Variants in FGF10 observed in about 807,000 individuals in gnomAD.
FGF10 encodes fibroblast growth factor 10, also known as FGF-10.
Under a neutral mutation model 19.8 loss-of-function variants are expected in FGF10, and 2 were observed. That is an observed-to-expected ratio of 0.10 (90% confidence interval 0.04 to 0.32). The LOEUF (loss-of-function observed/expected upper bound fraction) is 0.32. FGF10 is among the 10% of genes least tolerant of loss of function. The pLI is 1.00. For missense variants in FGF10, 191 were observed against 246.3 expected (o/e 0.78, Z 1.50); for synonymous variants, 112 against 94.0 (o/e 1.19, Z -1.10).
chr5:44,389,014 T>A lies in FGF10; in HGVS notation c.-332A>T. 2.2e-6 allele frequency: 1 copy of A among 445,184 alleles called. No individual in the cohort carries two copies. Among genetic ancestry groups the A allele is most frequent in the Non-Finnish European group, 4.2e-6 (1 of 239,152 alleles). The allele number at this position is 445,184 out of a possible 1,614,324, so 27.6% of individuals were successfully genotyped here. ...CGCTCCCCCAGGAGTTACTTTGTTC[T>A]CTTCTTTACTCCTTTCTTCACCATG... On this transcript the variant is annotated 5_prime_UTR_variant, in exon 1 of 3. It introduces an in-frame stop codon into an upstream open reading frame of the 5' UTR. Coordinates refer to ENST00000264664, the MANE Select transcript of FGF10 (RefSeq NM_004465.2).
chr5:44,323,851 T>G (rs1446180538), intron 1 of FGF10, among the ~76,000 whole-genome samples: 1 of 152,142 alleles, frequency 6.6e-6, no homozygotes, highest in South Asian at 2.1e-4. Context: ...AGAAAAAACA[T>G]GATCTATCTG....
chr5:44,342,218 C>T (rs941892695), intron 1 of FGF10, among the ~76,000 whole-genome samples: 3 of 151,820 alleles, frequency 2.0e-5, no homozygotes, highest in Non-Finnish European at 2.9e-5. Context: ...CAAATCAATG[C>T]ACACTTATGA....
At chr5:44,316,404 A>C (rs1363687476) in intron 1 of FGF10, among the ~76,000 whole-genome samples, 1 of 152,158 alleles carries the variant, frequency 6.6e-6, no homozygotes, top group Non-Finnish European at 1.5e-5. Flanking sequence ...CTTCTATACC[A>C]ATAGTTCTCA....
chr5:44,304,988 C>T lies in FGF10; in HGVS notation c.*7G>A. The stretch of plus-strand genomic sequence containing the variant: ...GGTTCTACTGCATCCACAAACGTTG[C>T]CTTCCTCTATGAGTGTACCACCATT... On this transcript the variant is annotated 3_prime_UTR_variant, in exon 3 of 3. Transcript: ENST00000264664. 3 of 1,613,724 alleles carry T rather than the reference C, an allele frequency of 1.9e-6. No individual in the cohort carries two copies. Among genetic ancestry groups the T allele is most frequent in the Non-Finnish European group, 2.5e-6 (3 of 1,179,700 alleles).
rs761359401 is a variant in FGF10, at chr5:44,388,628, A to C, written c.55T>G (p.Cys19Gly). 2 of 1,614,112 alleles carry C rather than the reference A, an allele frequency of 1.2e-6. No individual in the cohort carries two copies. Among genetic ancestry groups the C allele is most frequent in the Non-Finnish European group, 1.7e-6 (2 of 1,180,002 alleles). The change falls in exon 1 of 3, where the codon TGC becomes GGC. Residue 19 changes from cysteine to glycine, a missense_variant. Around this residue, in one of 2 missense-constraint regions of FGF10, gnomAD observed 92 missense variants for 84.6 expected, o/e 1.09. Transcript: ENST00000264664. ...CASAFPHLPG[C>G]CCCCFLLLFL... Reference sequence around the variant, plus strand: ...AGCAACAAAAAGCAGCAGCAGCAGCAGCCGGGCAGGTGGGGAAAGGCTGAG... The same window carrying C: ...AGCAACAAAAAGCAGCAGCAGCAGCCGCCGGGCAGGTGGGGAAAGGCTGAG...
In FGF10 at chr5:44,328,552, A is replaced by C. The variant is rs113705228; in HGVS notation, c.326-18022T>G. ...GCAGGAGGATTGCTTGAGCCTAGGA[A>C]TTTGAGAGCAGCCTGGGCACCATAG... is the stretch of plus-strand genomic sequence containing the variant. On this transcript the variant is annotated intron_variant, in intron 1 of 2. Coordinates refer to ENST00000264664, the MANE Select transcript of FGF10 (RefSeq NM_004465.2). 9.9e-5 allele frequency among the ~76,000 whole-genome samples: 15 copies of C among 152,162 alleles called. 3 individuals are homozygous for C. Among genetic ancestry groups the C allele is most frequent in the African/African-American group, 3.4e-4 (14 of 41,536 alleles).
chr5:44,344,464 A>G (rs935297318), intron 1 of FGF10, among the ~76,000 whole-genome samples: 9 of 151,964 alleles, frequency 5.9e-5, no homozygotes, highest in Admixed American at 4.6e-4. Context: ...CAAAATTTCA[A>G]ACAAACAGTA....
chr5:44,313,548 G>A (rs1816964), intron 1 of FGF10, among the ~76,000 whole-genome samples: 33,255 of 150,818 alleles, frequency 0.22, 3,793 homozygotes, highest in Admixed American at 0.32. Flanking sequence ...ACAAGTTTAT[G>A]ACTCTACAAT....
intron 1 of FGF10, among the ~76,000 whole-genome samples, chr5:44,335,546 A>G (rs1740829427): frequency 1.3e-5 from 2 of 152,136 alleles, no homozygotes; most frequent in Non-Finnish European, 2.9e-5. Context: ...CATGTTAAAC[A>G]TATTCATTGA....
At chr5:44,339,941 A>G (rs16873978) in intron 1 of FGF10, among the ~76,000 whole-genome samples, 238 of 152,182 alleles carry the variant, frequency 1.6e-3, no homozygotes, top group African/African-American at 5.4e-3. Flanking sequence ...TTTCTCCACT[A>G]TTTGGTTAGT....
chr5:44,366,906 T>G (rs1199759346), intron 1 of FGF10, among the ~76,000 whole-genome samples: 1 of 152,018 alleles, frequency 6.6e-6, no homozygotes, highest in Non-Finnish European at 1.5e-5. Context: ...ATGGGAAGAT[T>G]AAATAAAGAA....
At chr5:44,322,802 G>T (rs538650287) in intron 1 of FGF10, among the ~76,000 whole-genome samples, 1 of 151,142 alleles carries the variant, frequency 6.6e-6, no homozygotes, top group African/African-American at 2.4e-5. Context: ...CAAGCTCAGG[G>T]CTCCCACTGA....
At chr5:44,306,082 T>C (rs1243956303) in intron 2 of FGF10, among the ~76,000 whole-genome samples, 1 of 152,132 alleles carries the variant, frequency 6.6e-6, no homozygotes, top group Non-Finnish European at 1.5e-5. Context: ...AAAGAGGAAG[T>C]AGCTCAATGA....
chr5:44,344,576 G>GTGTT (rs1741043366), intron 1 of FGF10, among the ~76,000 whole-genome samples: 1 of 148,752 alleles, frequency 6.7e-6, no homozygotes, highest in South Asian at 2.1e-4. Flanking sequence ...CTCTGTGTGT[G>GTGTT]TGTGTGTGTG....
At chr5:44,318,776 A>T (rs1740414839) in intron 1 of FGF10, among the ~76,000 whole-genome samples, 1 of 152,144 alleles carries the variant, frequency 6.6e-6, no homozygotes, top group African/African-American at 2.4e-5. Context: ...CAACTGTCAT[A>T]TTTTTCCCCA....
At chr5:44,306,850 T>C (rs1740087326) in intron 2 of FGF10, among the ~76,000 whole-genome samples, 1 of 152,164 alleles carries the variant, frequency 6.6e-6, no homozygotes. Flanking sequence ...TTATTTAAGG[T>C]AAGGATTTTG....
chr5:44,363,687 A>G (rs1165330152), intron 1 of FGF10, among the ~76,000 whole-genome samples: 1 of 151,942 alleles, frequency 6.6e-6, no homozygotes. Flanking sequence ...TCATTGAAAC[A>G]GCCTCTTTAC....
At chr5:44,374,002 T>C (rs2111893276) in intron 1 of FGF10, among the ~76,000 whole-genome samples, 1 of 152,284 alleles carries the variant, frequency 6.6e-6, no homozygotes, top group East Asian at 1.9e-4. Flanking sequence ...CTTAGACTAA[T>C]ATAAATCTAT....
chr5:44,372,742 T>C (rs1741768949), intron 1 of FGF10, among the ~76,000 whole-genome samples: 1 of 152,186 alleles, frequency 6.6e-6, no homozygotes, highest in African/African-American at 2.4e-5. Flanking sequence ...ACAAGCGTAG[T>C]ATAACAGTTA....
Sources: gnomAD v4.1 joint callset for allele counts (sites outside exome capture counted in the v4.1 genomes callset) on GRCh38, gnomAD v4.1.1 for gene constraint, gnomAD v4.1.1 regional missense constraint, MANE v1.5 for transcripts, NCBI Gene and HGNC (gene_info 2026-07-23, HGNC 2026-07-21) for gene names.